Variants in TMEM178B observed in about 807,000 individuals in gnomAD.
The protein encoded by TMEM178B is transmembrane protein 178B.
A neutral mutation model predicts 31.0 loss-of-function variants in TMEM178B; 5 were observed. The observed-to-expected ratio is 0.16, with a 90% CI of 0.08 to 0.34. TMEM178B has a LOEUF of 0.34. Ranked by LOEUF, TMEM178B falls within the 10% of genes least tolerant of loss-of-function variation. The pLI, the probability that TMEM178B is intolerant of heterozygous loss-of-function variation, is 1.00. For synonymous variants in TMEM178B, 164 were observed against 164.0 expected, an observed-to-expected ratio of 1.00 and a Z score of 0.00; for missense variants, 275 against 400.3, an observed-to-expected ratio of 0.69 and a Z score of 2.67.
intron 1 of TMEM178B, among the ~76,000 whole-genome samples, chr7:141,102,330 A>G (rs1357435798): frequency 6.6e-6 from 1 of 152,162 alleles, no homozygotes; most frequent in Admixed American, 6.5e-5. Context: ...GTTTTTATTC[A>G]TAGGCTTTGA....
chr7:141,207,580 A>G (rs768503173), intron 1 of TMEM178B, among the ~76,000 whole-genome samples: 13 of 152,100 alleles, frequency 8.5e-5, no homozygotes, highest in Non-Finnish European at 1.9e-4. Flanking sequence ...TTTGAATGTC[A>G]TTGCCTTTGG....
intron 1 of TMEM178B, among the ~76,000 whole-genome samples, chr7:141,133,018 C>T (rs748386593): frequency 3.2e-4 from 48 of 152,134 alleles, no homozygotes; most frequent in Non-Finnish European, 6.0e-4. Context: ...TACACTACTG[C>T]ACCCACCCAG....
At chr7:141,394,068 G>C (rs1800594145) in intron 2 of TMEM178B, among the ~76,000 whole-genome samples, 1 of 151,656 alleles carries the variant, frequency 6.6e-6, no homozygotes, top group Non-Finnish European at 1.5e-5. Context: ...TGTCACTTGA[G>C]GTCCTGATGA....
intron 1 of TMEM178B, among the ~76,000 whole-genome samples, chr7:141,089,665 G>A (rs1006647565): frequency 6.6e-6 from 1 of 152,138 alleles, no homozygotes; most frequent in Admixed American, 6.5e-5. Context: ...ATACACCATG[G>A]AATACTATGC....
intron 2 of TMEM178B, among the ~76,000 whole-genome samples, chr7:141,331,903 A>G (rs1172878485): frequency 6.6e-6 from 1 of 152,174 alleles, no homozygotes; most frequent in Admixed American, 6.5e-5. Context: ...TACCCATTTC[A>G]GTGTTCTAAC....
intron 2 of TMEM178B, among the ~76,000 whole-genome samples, chr7:141,370,502 G>A (rs1308091232): frequency 6.6e-6 from 1 of 152,218 alleles, no homozygotes; most frequent in Non-Finnish European, 1.5e-5. Context: ...GTAAAACAAC[G>A]TGTGATAAAG....
intron 2 of TMEM178B, among the ~76,000 whole-genome samples, chr7:141,215,574 C>T (rs1797119624): frequency 6.6e-6 from 1 of 152,016 alleles, no homozygotes; most frequent in African/African-American, 2.4e-5. Context: ...GATCCACCCG[C>T]CTCAGCCTTC....
chr7:141,159,014 G>T (rs554315320), intron 1 of TMEM178B, among the ~76,000 whole-genome samples: 1 of 152,196 alleles, frequency 6.6e-6, no homozygotes, highest in East Asian at 1.9e-4. Flanking sequence ...ACTATTTAAA[G>T]ATATTTATAT....
chr7:141,196,681 G>A (rs377655904), intron 1 of TMEM178B, among the ~76,000 whole-genome samples: 14 of 152,148 alleles, frequency 9.2e-5, no homozygotes, highest in African/African-American at 3.1e-4. Context: ...ACTCCCCTGG[G>A]TGCGTCGAAT....
chr7:141,258,673 T>C (rs1797967926), intron 2 of TMEM178B, among the ~76,000 whole-genome samples: 1 of 152,222 alleles, frequency 6.6e-6, no homozygotes, highest in Non-Finnish European at 1.5e-5. Context: ...TTTAATTATC[T>C]GGGAATGTCT....
chr7:141,484,588 G>A (rs771908745), downstream of TMEM178B, among the ~76,000 whole-genome samples: 18 of 152,150 alleles, frequency 1.2e-4, no homozygotes, highest in Non-Finnish European at 2.6e-4. The surrounding 1 kb of genome is among the most constrained non-coding windows in gnomAD (Gnocchi z 4.8). Context: ...TTGAGATAGA[G>A]CCTTGCTCTG....
At chr7:141,119,104 G>C (rs918711209) in intron 1 of TMEM178B, among the ~76,000 whole-genome samples, 1 of 152,174 alleles carries the variant, frequency 6.6e-6, no homozygotes, top group Admixed American at 6.5e-5. Flanking sequence ...GCCTGCAGAG[G>C]CTGAGCCGTT....
chr7:141,391,407 G>A lies in TMEM178B; in HGVS notation c.497-46201G>A, dbSNP rs536491861. 1.1e-4 allele frequency among the ~76,000 whole-genome samples: 17 copies of A among 152,172 alleles called. No homozygotes were observed. In the East Asian group the frequency reaches 1.5e-3, roughly 14 times the overall value. On this transcript the variant is annotated intron_variant, in intron 2 of 3. Coordinates refer to ENST00000565468, the MANE Select transcript of TMEM178B (RefSeq NM_001195278.2). The stretch of plus-strand genomic sequence containing the variant: ...TCTCAATCTCCTGATCTCATTACCC[G>A]CCTCGGCATCCCAAAGTGCTGGGAT...
At chr7:141,120,371 A>C (rs569665224) in intron 1 of TMEM178B, among the ~76,000 whole-genome samples, 1 of 152,336 alleles carries the variant, frequency 6.6e-6, no homozygotes, top group East Asian at 1.9e-4. Context: ...GTTTCTATTC[A>C]ATAAAATGCT....
chr7:141,422,940 G>A lies in TMEM178B; in HGVS notation c.497-14668G>A, dbSNP rs1801240828. On this transcript the variant is annotated intron_variant, in intron 2 of 3. Coordinates refer to ENST00000565468, the MANE Select transcript of TMEM178B (RefSeq NM_001195278.2). The surrounding 1 kb of genome is among the most constrained non-coding windows in gnomAD (Gnocchi z 4.2). The stretch of plus-strand genomic sequence containing the variant: ...GTCTCACGCCTCTCTTTAGAACAGT[G>A]CTGTCCCATGGAAATATCGTGCAAA... Among the ~76,000 whole-genome samples, 1 of 152,186 alleles carries A rather than the reference G, an allele frequency of 6.6e-6. No individual in the cohort carries two copies. Among genetic ancestry groups the A allele is most frequent in the Admixed American group, 6.5e-5 (1 of 15,282 alleles).
At chr7:141,481,764 T>G (rs575785222), downstream of TMEM178B, among the ~76,000 whole-genome samples, 48 of 152,258 alleles carry the variant, frequency 3.2e-4, no homozygotes, top group Non-Finnish European at 5.7e-4. Flanking sequence ...CCCACCTTGA[T>G]AGTAATGTCC....
At chr7:141,366,137 T>C (rs1006254508) in intron 2 of TMEM178B, among the ~76,000 whole-genome samples, 3 of 152,234 alleles carry the variant, frequency 2.0e-5, no homozygotes, top group African/African-American at 4.8e-5. Flanking sequence ...CTGCTGAGCA[T>C]GTGCGTTCCT....
At chr7:141,205,720 ACT>A (rs1427055627) in intron 1 of TMEM178B, among the ~76,000 whole-genome samples, 1 of 152,132 alleles carries the variant, frequency 6.6e-6, no homozygotes, top group Non-Finnish European at 1.5e-5. Flanking sequence ...CTCTAAAACC[ACT>A]CTGCCTAGAA....
intron 2 of TMEM178B, among the ~76,000 whole-genome samples, chr7:141,394,718 G>A (rs1163469524): frequency 6.6e-6 from 1 of 152,126 alleles, no homozygotes; most frequent in Non-Finnish European, 1.5e-5. Context: ...TTTTGAGCAA[G>A]TTCTGTCATT....
Sources: gnomAD v4.1 joint callset for allele counts (sites outside exome capture counted in the v4.1 genomes callset) on GRCh38, gnomAD v4.1.1 for gene constraint, Gnocchi (gnomAD v3.1) non-coding constraint, MANE v1.5 for transcripts, NCBI Gene and HGNC (gene_info 2026-07-23, HGNC 2026-07-21) for gene names.